PPM1K: variants seen among roughly 807,000 people sequenced by gnomAD.
The protein encoded by PPM1K is protein phosphatase Mn(2+)-dependent 1K.
PPM1K carries 19 observed loss-of-function variants against 32.6 expected under a neutral mutation model. The observed-to-expected ratio is 0.58, with a 90% CI of 0.41 to 0.86. The LOEUF (loss-of-function observed/expected upper bound fraction) is 0.86, where lower values mean the gene tolerates loss of function less well. Among genes scored for constraint, PPM1K ranks in the 40% least tolerant of loss-of-function variants. PPM1K has a pLI of 0.00. For synonymous variants in PPM1K, 159 were observed against 165.3 expected (o/e 0.96, Z 0.29); for missense variants, 362 against 461.2 (o/e 0.78, Z 1.97).
intron 1 of PPM1K, among the ~76,000 whole-genome samples, chr4:88,280,407 T>C (rs776465085): frequency 5.9e-5 from 9 of 152,230 alleles, no homozygotes; most frequent in Non-Finnish European, 1.0e-4. Flanking sequence ...AATTCATTTC[T>C]TCGTAAGACA....
intron 3 of PPM1K, chr4:88,275,454 A>C: frequency 4.1e-6 from 4 of 985,284 alleles, no homozygotes; most frequent in Non-Finnish European, 4.8e-6. Flanking sequence ...TTCATTCAAT[A>C]ATAAAAGGAG....
At chr4:88,277,312 C>T in intron 2 of PPM1K, 69 bp from the exon 3 acceptor site, 1 of 1,051,052 alleles carries the variant, frequency 9.5e-7, no homozygotes, top group Non-Finnish European at 1.5e-6. Flanking sequence ...CACTGTTACT[C>T]TAGCTAGCAG....
chr4:88,275,096 A>C (rs1019963760), intron 3 of PPM1K: 1 of 687,258 alleles, frequency 1.5e-6, no homozygotes, highest in East Asian at 1.3e-4. Flanking sequence ...ATTTTAAAAT[A>C]TCTTAAGAAT....
rs1266591342 is a variant in PPM1K at position 88,257,697 on chromosome 4, C to G, written c.*4898G>C. 6.6e-6 allele frequency: 1 copy of G among 152,140 alleles called. No homozygotes were observed. The highest frequency in any genetic ancestry group is 1.5e-5 in the Non-Finnish European group (1 of 68,024). 9.4% of individuals were successfully genotyped at this position (152,140 alleles called of 1,614,324 possible). ...TGATTTCATTCTGCTCACAGTTACT[C>G]TAGTACACAGATTTAAAACAATGGT... On this transcript the variant is annotated 3_prime_UTR_variant, in exon 7 of 7. Coordinates refer to ENST00000608933, the MANE Select transcript of PPM1K (RefSeq NM_152542.5).
intron 1 of PPM1K, among the ~76,000 whole-genome samples, chr4:88,282,430 T>C (rs1389744157): frequency 6.6e-6 from 1 of 152,362 alleles, no homozygotes; most frequent in African/African-American, 2.4e-5. Flanking sequence ...AAGTGGCATT[T>C]AGGTATCTAC....
At position 88,260,921 on chromosome 4, in the gene PPM1K, T is replaced by G. The variant is rs1409227186; in HGVS notation, c.*1674A>C. On this transcript the variant is annotated 3_prime_UTR_variant, in exon 7 of 7. Transcript: ENST00000608933. ...TTGCCATATAGCAATTTTTAACCTA[T>G]TTCCTCATCTGCTGATAATCACTGG... 2.6e-5 allele frequency: 4 copies of G among 152,196 alleles called. No individual in the cohort carries two copies. Among genetic ancestry groups the G allele is most frequent in the Non-Finnish European group, 5.9e-5 (4 of 68,024 alleles). The allele number at this position is 152,196 out of a possible 1,614,324, so 9.4% of individuals were successfully genotyped here.
intron 4 of PPM1K, 54 bp from the exon 5 acceptor site, chr4:88,268,388 C>T: frequency 6.3e-7 from 1 of 1,589,918 alleles, no homozygotes; most frequent in Non-Finnish European, 8.6e-7. Context: ...TTTGGGAGGC[C>T]AAGGAGGGCA....
At chr4:88,284,098 C>A (rs955972342) in intron 1 of PPM1K, 3 of 150,936 alleles carry the variant, frequency 2.0e-5, no homozygotes, top group African/African-American at 7.3e-5. Flanking sequence ...CTCCAGCCTG[C>A]GGCCACATTC....
In PPM1K at chr4:88,262,325, ACTCTCAT is replaced by A; in HGVS notation, c.*263_*269del. ...GAGTCTTAAAAATTATTAATGTGAC[ACTCTCAT>A]CTCTCATCAAGTGTATCCAAACCAC... On this transcript the variant is annotated 3_prime_UTR_variant, in exon 7 of 7. Transcript: ENST00000608933. The A allele has an allele frequency of 4.2e-6, 1 of 238,822 alleles. No homozygotes were observed. Among genetic ancestry groups the A allele is most frequent in the Non-Finnish European group, 8.0e-6 (1 of 125,048 alleles). The allele number at this position is 238,822 out of a possible 1,614,324, so 14.8% of individuals were successfully genotyped here. A position where few individuals can be genotyped will look rare whatever the true frequency, so the allele number is the denominator to read the frequency against.
chr4:88,274,338 T>C (rs1288670221), intron 3 of PPM1K, among the ~76,000 whole-genome samples: 1 of 152,200 alleles, frequency 6.6e-6, no homozygotes, highest in South Asian at 2.1e-4. Context: ...AAATCAGCTA[T>C]ATGATAATCA....
chr4:88,277,842 G>A (rs1731845073), intron 2 of PPM1K: 1 of 434,350 alleles, frequency 2.3e-6, no homozygotes, highest in Non-Finnish European at 4.2e-6. Context: ...ACACTGATGG[G>A]AGTAAATGCT....
chr4:88,268,280 T>C lies in PPM1K; in HGVS notation c.762A>G (p.Val254=), dbSNP rs1731414494. 4 of 1,613,994 alleles carry C rather than the reference T, an allele frequency of 2.5e-6. No homozygotes were observed. The highest frequency in any genetic ancestry group is 2.5e-6 in the Non-Finnish European group (3 of 1,179,996). ...VAWNSLGQPH[V]NGRLAMTRSI... ...TTCTTGTCATTGCAAGCCTGCCATT[T>C]ACGTGAGGCTGCCCCAAACTATTCC... is the stretch of plus-strand genomic sequence containing the variant. Residue 254 remains valine, a synonymous_variant, in exon 5 of 7, where the codon GTA becomes GTG. Coordinates refer to ENST00000608933, the MANE Select transcript of PPM1K (RefSeq NM_152542.5).
In PPM1K at chr4:88,278,098, G is replaced by A. The variant is rs1279842304; in HGVS notation, c.440+46C>T. On this transcript the variant is annotated intron_variant, in intron 2 of 6. Transcript: ENST00000608933. The surrounding 1 kb of genome is among the most constrained non-coding windows in gnomAD (Gnocchi z 4.2). ...AGCCAAAGGGTGAAAGTTTAAGTAG[G>A]AAGTATAGGAACTGCAAAGTCAGGA... 15 of 1,508,448 alleles carry A rather than the reference G, an allele frequency of 9.9e-6. No homozygotes were observed. The highest frequency in any genetic ancestry group is 1.4e-5 in the Non-Finnish European group (15 of 1,100,730). 93.4% of individuals were successfully genotyped at this position (1,508,448 alleles called of 1,614,324 possible). A position where few individuals can be genotyped will look rare whatever the true frequency, so the allele number is the denominator to read the frequency against.
chr4:88,277,416 A>G, intron 2 of PPM1K, 173 bp from the exon 3 acceptor site: 1 of 572,838 alleles, frequency 1.7e-6, no homozygotes, highest in Non-Finnish European at 3.1e-6. Flanking sequence ...AGTATCAGGC[A>G]CTGTGATAAG....
chr4:88,270,862 C>T (rs1731531698), intron 3 of PPM1K: 1 of 243,916 alleles, frequency 4.1e-6, no homozygotes, highest in Admixed American at 5.4e-5. Context: ...TTCTGATTTG[C>T]TAAGCATTTA....
chr4:88,276,612 A>G (rs1731774667), intron 3 of PPM1K: 1 of 984,856 alleles, frequency 1.0e-6, no homozygotes, highest in South Asian at 4.7e-5. Flanking sequence ...CTTTTTAAGA[A>G]GTGACAGAAA....
chr4:88,280,963 CA>C (rs34641054), intron 1 of PPM1K, among the ~76,000 whole-genome samples: 7,354 of 152,194 alleles, frequency 0.048, 365 homozygotes, highest in East Asian at 0.26. Context: ...ATTATGGATT[CA>C]AGCCAGCAAT....
chr4:88,276,206 C>A, intron 3 of PPM1K: 1 of 985,460 alleles, frequency 1.0e-6, no homozygotes, highest in Non-Finnish European at 1.2e-6. Context: ...GAAATGCAAA[C>A]AATCTCTATC....
At chr4:88,276,571 C>T in intron 3 of PPM1K, 4 of 985,370 alleles carry the variant, frequency 4.1e-6, no homozygotes, top group Non-Finnish European at 4.8e-6. Flanking sequence ...GAAAATATCA[C>T]TAGTTACCAG....
Sources: gnomAD v4.1 joint callset for allele counts (sites outside exome capture counted in the v4.1 genomes callset) on GRCh38, gnomAD v4.1.1 for gene constraint, Gnocchi (gnomAD v3.1) non-coding constraint, MANE v1.5 for transcripts, NCBI Gene and HGNC (gene_info 2026-07-23, HGNC 2026-07-21) for gene names.